The following OR9Q1 variants were observed in gnomAD, a reference collection of about 807,000 sequenced individuals.
OR9Q1 encodes the protein olfactory receptor 9Q1.
For missense variants in OR9Q1, 374 were observed against 378.8 expected, an observed-to-expected ratio of 0.99 and a Z score of 0.11; for synonymous variants, 153 against 148.6, an observed-to-expected ratio of 1.03 and a Z score of -0.22.
intron 2 of OR9Q1, among the ~76,000 whole-genome samples, chr11:58,058,746 C>T (rs1194184206): frequency 6.6e-6 from 1 of 152,120 alleles, no homozygotes; most frequent in Non-Finnish European, 1.5e-5. Flanking sequence ...ATGCAGCCAC[C>T]CTCGCCCCCG....
chr11:58,176,121 G>T (rs770674552), intron 2 of OR9Q1, among the ~76,000 whole-genome samples: 17 of 152,198 alleles, frequency 1.1e-4, no homozygotes, highest in Non-Finnish European at 1.5e-5. Context: ...GGCCCTCCTG[G>T]GTAATGTGGA....
At chr11:58,105,131 G>A (rs1185096133) in intron 2 of OR9Q1, among the ~76,000 whole-genome samples, 4 of 151,422 alleles carry the variant, frequency 2.6e-5, no homozygotes, top group African/African-American at 4.9e-5. Flanking sequence ...GAGGATACAA[G>A]TCCACTTTTA....
At chr11:58,050,253 T>C (rs1447468936) in intron 1 of OR9Q1, among the ~76,000 whole-genome samples, 9 of 143,278 alleles carry the variant, frequency 6.3e-5, no homozygotes, top group Non-Finnish European at 4.6e-5. Context: ...AACAGAGATA[T>C]AGATCAATGG....
chr11:58,150,045 C>A (rs1353873383), intron 2 of OR9Q1, among the ~76,000 whole-genome samples: 1 of 152,188 alleles, frequency 6.6e-6, no homozygotes, highest in Non-Finnish European at 1.5e-5. Context: ...GAACCACCTA[C>A]TGTTTTTCAC....
intron 2 of OR9Q1, among the ~76,000 whole-genome samples, chr11:58,162,317 T>C (rs1025836945): frequency 1.3e-4 from 20 of 152,348 alleles, no homozygotes; most frequent in Non-Finnish European, 1.8e-4. Context: ...TAATCATACA[T>C]GGAAGGAGAC....
chr11:58,179,317 C>A, intron 2 of OR9Q1, 114 bp from the exon 3 acceptor site: 1 of 659,114 alleles, frequency 1.5e-6, no homozygotes, highest in Non-Finnish European at 2.6e-6. Context: ...AGCCACAGCA[C>A]CTGGCACACC....
At chr11:58,090,182 T>C (rs533000930) in intron 2 of OR9Q1, among the ~76,000 whole-genome samples, 1 of 152,330 alleles carries the variant, frequency 6.6e-6, no homozygotes, top group Middle Eastern at 3.4e-3. Context: ...TTCAATACTA[T>C]GTTGAATAGG....
chr11:58,168,136 A>G (rs1412788038), intron 2 of OR9Q1, among the ~76,000 whole-genome samples: 1 of 152,160 alleles, frequency 6.6e-6, no homozygotes, highest in Admixed American at 6.5e-5. Flanking sequence ...TCATCTACCC[A>G]CCATCCAGAT....
At chr11:58,155,128 G>A (rs1854394040) in intron 2 of OR9Q1, among the ~76,000 whole-genome samples, 1 of 152,160 alleles carries the variant, frequency 6.6e-6, no homozygotes, top group South Asian at 2.1e-4. Context: ...AGAGCAGGTG[G>A]CAGGCTGAAG....
intron 2 of OR9Q1, among the ~76,000 whole-genome samples, chr11:58,135,456 T>C (rs768649203): frequency 2.6e-4 from 40 of 152,152 alleles, no homozygotes; most frequent in Non-Finnish European, 5.4e-4. Context: ...CCCTGACACA[T>C]TGAATAGCAG....
At chr11:58,126,987 G>A (rs762789795) in intron 2 of OR9Q1, among the ~76,000 whole-genome samples, 4 of 152,118 alleles carry the variant, frequency 2.6e-5, no homozygotes, top group Non-Finnish European at 4.4e-5. Flanking sequence ...GTCTTGCTCT[G>A]TCGCCCAGGC....
intron 2 of OR9Q1, among the ~76,000 whole-genome samples, chr11:58,111,152 A>G (rs558817956): frequency 2.6e-5 from 4 of 152,298 alleles, no homozygotes; most frequent in Admixed American, 2.0e-4. Context: ...TGATGCATAT[A>G]AAATCTACTG....
At chr11:58,109,122 G>T in intron 2 of OR9Q1, 2 of 503,786 alleles carry the variant, frequency 4.0e-6, no homozygotes, top group South Asian at 1.5e-5. Context: ...GGGGTGGGAG[G>T]TCACAGAAGA....
intron 2 of OR9Q1, among the ~76,000 whole-genome samples, chr11:58,165,624 T>C (rs112208478): frequency 1.3e-5 from 2 of 152,206 alleles, no homozygotes; most frequent in African/African-American, 4.8e-5. Flanking sequence ...GCAGGATCCA[T>C]GTGAAACTTG....
intron 1 of OR9Q1, 78 bp from the exon 2 acceptor site, chr11:58,055,790 ACT>A (rs1853321140): frequency 1.3e-5 from 2 of 149,304 alleles, no homozygotes; most frequent in Non-Finnish European, 3.0e-5. Context: ...ACCGAGCGAG[ACT>A]CTATCTCTAA....
chr11:58,104,616 A>G (rs1013338967), intron 2 of OR9Q1, among the ~76,000 whole-genome samples: 1 of 152,198 alleles, frequency 6.6e-6, no homozygotes, highest in African/African-American at 2.4e-5. Context: ...GTAACCGCAG[A>G]TAATCTCTAG....
chr11:58,113,445 C>T (rs1590597325), intron 2 of OR9Q1, among the ~76,000 whole-genome samples: 1 of 152,138 alleles, frequency 6.6e-6, no homozygotes, highest in Non-Finnish European at 1.5e-5. Flanking sequence ...TGCAGGACAG[C>T]CAGAGGCTAG....
chr11:58,120,429 T>A (rs1854017502), intron 2 of OR9Q1, among the ~76,000 whole-genome samples: 1 of 152,136 alleles, frequency 6.6e-6, no homozygotes, highest in Non-Finnish European at 1.5e-5. Context: ...AGAAAATTTA[T>A]TATCTTTTTT....
intron 1 of OR9Q1, among the ~76,000 whole-genome samples, chr11:58,037,956 C>T (rs1853124875): frequency 6.8e-6 from 1 of 146,704 alleles, no homozygotes; most frequent in South Asian, 2.1e-4. Flanking sequence ...TGGTCTCGAA[C>T]TCCTGACCTC....
Sources: allele counts gnomAD v4.1 joint callset (sites outside exome capture counted in the v4.1 genomes callset), GRCh38; gene constraint gnomAD v4.1.1; transcripts MANE v1.5; gene names NCBI Gene and HGNC (gene_info 2026-07-23, HGNC 2026-07-21).